Variants in CTPS2 observed in about 807,000 individuals in gnomAD.
The protein encoded by CTPS2 is CTP synthase II.
Under a neutral mutation model 46.8 loss-of-function variants are expected in CTPS2, and 19 were observed. The observed-to-expected ratio is 0.41, with a 90% confidence interval of 0.28 to 0.60. The LOEUF is 0.60. CTPS2 is among the 20% of genes least tolerant of loss of function. The probability of loss-of-function intolerance (pLI) is 0.35; values close to 1 mark genes in which losing one functional copy is unlikely to be tolerated. For missense variants in CTPS2, 286 were observed against 447.6 expected (o/e 0.64, Z 3.26); for synonymous variants, 151 against 165.2 (o/e 0.91, Z 0.66).
chrX:16,705,462 G>A (rs1924921088), intron 1 of CTPS2, among the ~76,000 whole-genome samples: 1 of 111,672 alleles, frequency 9.0e-6, no homozygotes, highest in Non-Finnish European at 1.9e-5. Flanking sequence ...TTGATGCATA[G>A]GGCTTAACTG....
At chrX:16,687,408 G>A (rs1346184116) in intron 8 of CTPS2, among the ~76,000 whole-genome samples, 4 of 100,233 alleles carry the variant, frequency 4.0e-5, no homozygotes, top group Non-Finnish European at 8.0e-5. Flanking sequence ...CCAGGAGGTC[G>A]AGGCTGCAGT....
chrX:16,670,205 A>G (rs1342838829), intron 11 of CTPS2, among the ~76,000 whole-genome samples: 2 of 112,159 alleles, frequency 1.8e-5, no homozygotes, highest in Non-Finnish European at 3.8e-5. Flanking sequence ...TCTGCTACCC[A>G]GCTGGAATAG....
chrX:16,681,748 A>G (rs1922765078), intron 9 of CTPS2, among the ~76,000 whole-genome samples: 1 of 110,713 alleles, frequency 9.0e-6, no homozygotes. Context: ...GAGGTCTCCC[A>G]TTGTTGCCCA....
intron 14 of CTPS2, chrX:16,627,089 T>G (rs148012502): frequency 9.7e-4 from 110 of 113,921 alleles, no homozygotes; most frequent in African/African-American, 3.5e-3. Flanking sequence ...ACCAACTTAA[T>G]AAAAAAGTAA....
intron 16 of CTPS2, among the ~76,000 whole-genome samples, chrX:16,611,795 C>T (rs58208117): frequency 0.012 from 1,380 of 111,570 alleles, 30 homozygotes; most frequent in African/African-American, 0.042. Context: ...AAGAAACCTC[C>T]TTGAATTAGA....
At chrX:16,669,014 C>G (rs1921483160) in intron 11 of CTPS2, among the ~76,000 whole-genome samples, 1 of 111,269 alleles carries the variant, frequency 9.0e-6, no homozygotes, top group Admixed American at 9.6e-5. Context: ...ACAGGCTTGG[C>G]CAGAGGTTGA....
At chrX:16,663,831 A>C (rs780510428) in intron 13 of CTPS2, among the ~76,000 whole-genome samples, 19 of 111,274 alleles carry the variant, frequency 1.7e-4, no homozygotes, top group African/African-American at 5.9e-4. Context: ...CTGTGTAAAA[A>C]AAAATTTTTT....
At chrX:16,705,156 CT>C (rs1325292998) in intron 1 of CTPS2, among the ~76,000 whole-genome samples, 1 of 109,378 alleles carries the variant, frequency 9.1e-6, no homozygotes, top group Admixed American at 9.9e-5. Flanking sequence ...AAAAAAAAGT[CT>C]TGCCAGGTGC....
At chrX:16,664,380 T>C (rs962328702) in intron 13 of CTPS2, among the ~76,000 whole-genome samples, 3 of 111,797 alleles carry the variant, frequency 2.7e-5, no homozygotes, top group Non-Finnish European at 3.8e-5. Context: ...CTTCTGAGCA[T>C]AAGACTTAAA....
intron 14 of CTPS2, among the ~76,000 whole-genome samples, chrX:16,631,637 A>C (rs1475378246): frequency 1.8e-5 from 2 of 112,432 alleles, no homozygotes; most frequent in African/African-American, 6.5e-5. Flanking sequence ...TGTTCTTTCT[A>C]GCAGGTGGCA....
intron 13 of CTPS2, among the ~76,000 whole-genome samples, chrX:16,647,558 G>A (rs1389528628): frequency 2.7e-5 from 3 of 109,530 alleles, no homozygotes; most frequent in African/African-American, 3.3e-5. Flanking sequence ...GTGAACCACC[G>A]TGCCCGGCCG....
At chrX:16,676,106 G>C (rs999912572) in intron 10 of CTPS2, among the ~76,000 whole-genome samples, 1 of 112,201 alleles carries the variant, frequency 8.9e-6, no homozygotes, top group Non-Finnish European at 1.9e-5. Flanking sequence ...TGGCAATATA[G>C]TTGTTTGCAT....
At chrX:16,668,270 AAGAG>A (rs1404621174) in intron 11 of CTPS2, among the ~76,000 whole-genome samples, 1 of 107,446 alleles carries the variant, frequency 9.3e-6, no homozygotes, top group African/African-American at 3.4e-5. Flanking sequence ...AAAGAGAAGA[AAGAG>A]AGAAAGAGAG....
intron 13 of CTPS2, among the ~76,000 whole-genome samples, chrX:16,648,016 C>T (rs1327499877): frequency 1.8e-5 from 2 of 111,463 alleles, no homozygotes; most frequent in Non-Finnish European, 3.8e-5. Context: ...GTAGGAGGAT[C>T]ACCTGAGCCC....
At chrX:16,628,771 G>C (rs769285194) in intron 14 of CTPS2, among the ~76,000 whole-genome samples, 26 of 111,912 alleles carry the variant, frequency 2.3e-4, no homozygotes, top group Non-Finnish European at 4.5e-4. Context: ...AGCCAAGAAA[G>C]ACAGAATAGA....
At chrX:16,692,602 A>C (rs1484233018) in intron 6 of CTPS2, among the ~76,000 whole-genome samples, 2 of 112,108 alleles carry the variant, frequency 1.8e-5, no homozygotes, top group Non-Finnish European at 3.8e-5. Flanking sequence ...CACTTGCCCA[A>C]CTATCAATGT....
At chrX:16,606,299 C>T (rs1929967951) in intron 17 of CTPS2, among the ~76,000 whole-genome samples, 3 of 112,158 alleles carry the variant, frequency 2.7e-5, no homozygotes, top group Non-Finnish European at 3.8e-5. Flanking sequence ...CAACTCAGCT[C>T]ACATTAGAGC....
chrX:16,694,191 C>A (rs1923931154), intron 4 of CTPS2, among the ~76,000 whole-genome samples: 1 of 111,463 alleles, frequency 9.0e-6, no homozygotes, highest in African/African-American at 3.3e-5. Flanking sequence ...AAAAAACTAG[C>A]ATCAAATCTC....
intron 10 of CTPS2, among the ~76,000 whole-genome samples, chrX:16,674,646 G>T (rs1363490398): frequency 9.5e-6 from 1 of 104,863 alleles, no homozygotes; most frequent in Non-Finnish European, 1.9e-5. Context: ...AGACCATCCT[G>T]GCTAACACGG....
Sources: allele counts gnomAD v4.1 joint callset (sites outside exome capture counted in the v4.1 genomes callset), GRCh38; gene constraint gnomAD v4.1.1; transcripts MANE v1.5; gene names NCBI Gene and HGNC (gene_info 2026-07-23, HGNC 2026-07-21).